The following MYO6 variants were observed in gnomAD, a reference collection of about 807,000 sequenced individuals.
MYO6 encodes unconventional myosin-VI.
Under a neutral mutation model 178.7 loss-of-function variants are expected in MYO6, and 74 were observed. That is an observed-to-expected ratio of 0.41 (90% CI 0.34 to 0.50). The LOEUF (loss-of-function observed/expected upper bound fraction) is 0.50, where lower values mean the gene tolerates loss of function less well. Among genes scored for constraint, MYO6 ranks in the 20% least tolerant of loss-of-function variants. The pLI is 0.09. For synonymous variants in MYO6, 477 were observed against 504.6 expected (o/e 0.95, Z 0.73); for missense variants, 1,330 against 1,547.4 (o/e 0.86, Z 2.36).
At chr6:75,862,039 TTCTCTTCCTA>T (rs1257119713) in intron 15 of MYO6, among the ~76,000 whole-genome samples, 1 of 152,236 alleles carries the variant, frequency 6.6e-6, no homozygotes, top group Non-Finnish European at 1.5e-5. Context: ...GTTAGAATCT[TTCTCTTCCTA>T]TGTCTTATAG....
intron 29 of MYO6, among the ~76,000 whole-genome samples, chr6:75,895,592 A>G (rs1205417224): frequency 1.3e-5 from 2 of 150,542 alleles, no homozygotes; most frequent in African/African-American, 2.5e-5. Context: ...ATCTGGGGTC[A>G]CCATAACCTC....
Position 75,861,007 on chromosome 6 carries a change from A to T in MYO6, c.1474-16A>T. The T allele has an allele frequency of 3.3e-6, 5 of 1,533,686 alleles. No homozygotes were observed. The highest frequency in any genetic ancestry group is 4.5e-6 in the Non-Finnish European group (5 of 1,107,464). On this transcript the variant is annotated splice_polypyrimidine_tract_variant and intron_variant, in intron 14 of 34. Transcript: ENST00000369977. ...CAGTATTGCTGTATCTATGATTATG[A>T]TTATTTCATTTTTAGGAACAAGAAC...
At chr6:75,856,978 C>A in intron 12 of MYO6, 119 bp from the exon 13 acceptor site, 1 of 915,352 alleles carries the variant, frequency 1.1e-6, no homozygotes, top group Non-Finnish European at 1.7e-6. Flanking sequence ...CCTATTCTCA[C>A]ATGACCTTTG....
intron 1 of MYO6, among the ~76,000 whole-genome samples, chr6:75,778,439 CA>C (rs397886444): frequency 1.3e-5 from 2 of 151,280 alleles, no homozygotes; most frequent in African/African-American, 4.9e-5. Context: ...CTAAAAAATA[CA>C]AAAAAAATTA....
At chr6:75,876,791 A>G (rs1050337968) in intron 20 of MYO6, among the ~76,000 whole-genome samples, 1 of 152,180 alleles carries the variant, frequency 6.6e-6, no homozygotes, top group African/African-American at 2.4e-5. Flanking sequence ...AATAATGATA[A>G]TGATATAGAA....
In MYO6 at chr6:75,854,275, C is replaced by CTTTTTTTTTTTTTTTTTTTTTTTT. The variant is rs61398235; in HGVS notation, c.1079-855_1079-832dup. ...CATGGGTCAAGACCTAACTGCATTGCTTTTTTTTTTTTTTTTTTTTTTTTT... is the reference window on the plus strand; with the variant it reads ...CATGGGTCAAGACCTAACTGCATTGCTTTTTTTTTTTTTTTTTTTTTTTTTTTTTTTTTTTTTTTTTTTTTTTTT... On this transcript the variant is annotated intron_variant, in intron 11 of 34. Coordinates refer to ENST00000369977, the MANE Select transcript of MYO6 (RefSeq NM_004999.4). Among the ~76,000 whole-genome samples the CTTTTTTTTTTTTTTTTTTTTTTTT allele has an allele frequency of 8.8e-5, 4 of 45,470 alleles. 1 individual carries two copies. Among genetic ancestry groups the CTTTTTTTTTTTTTTTTTTTTTTTT allele is most frequent in the African/African-American group, 1.1e-4 (1 of 9,086 alleles). 29.8% of individuals were successfully genotyped at this position (45,470 alleles called of 152,430 possible). A position where few individuals can be genotyped will look rare whatever the true frequency, so the allele number is the denominator to read the frequency against.
chr6:75,802,437 C>G (rs1360944748), intron 1 of MYO6, among the ~76,000 whole-genome samples: 1 of 149,994 alleles, frequency 6.7e-6, no homozygotes, highest in Non-Finnish European at 1.5e-5. Flanking sequence ...CCACTGGACT[C>G]TAGTCTGGGT....
At chr6:75,788,447 C>T (rs935168556) in intron 1 of MYO6, among the ~76,000 whole-genome samples, 2 of 152,198 alleles carry the variant, frequency 1.3e-5, no homozygotes, top group African/African-American at 4.8e-5. Context: ...TCTCCTCCCA[C>T]CAGTCTTTCT....
intron 8 of MYO6, 100 bp from the exon 9 acceptor site, chr6:75,841,114 A>G (rs1774176570): frequency 1.7e-6 from 2 of 1,146,698 alleles, no homozygotes; most frequent in Admixed American, 2.0e-5. Context: ...CCTCTTTGAT[A>G]GACAAATGGT....
At chr6:75,841,500 G>A in intron 9 of MYO6, 122 bp downstream of exon 9, 2 of 892,954 alleles carry the variant, frequency 2.2e-6, no homozygotes, top group Non-Finnish European at 3.4e-6. Flanking sequence ...AGCAGCCTGG[G>A]CAATGTAGCG....
chr6:75,808,667 A>G (rs1770354785), intron 1 of MYO6, among the ~76,000 whole-genome samples: 1 of 152,200 alleles, frequency 6.6e-6, no homozygotes, highest in Non-Finnish European at 1.5e-5. Flanking sequence ...ACAGGTCTCA[A>G]CCAATTTAGA....
At chr6:75,779,809 T>TTCGTTTA (rs1181962665) in intron 1 of MYO6, among the ~76,000 whole-genome samples, 5 of 152,382 alleles carry the variant, frequency 3.3e-5, no homozygotes, top group African/African-American at 1.2e-4. Context: ...CAGTGCTAAA[T>TTCGTTTA]GACTTACCTT....
intron 20 of MYO6, among the ~76,000 whole-genome samples, chr6:75,875,296 G>T (rs1777488142): frequency 6.6e-6 from 1 of 151,858 alleles, no homozygotes; most frequent in Admixed American, 6.6e-5. Context: ...GGTTGGGAGG[G>T]GCAGGGTTTA....
At chr6:75,908,723 T>G in intron 32 of MYO6, 96 bp downstream of exon 32, 1 of 1,347,888 alleles carries the variant, frequency 7.4e-7, no homozygotes, top group Non-Finnish European at 1.1e-6. Flanking sequence ...CCATATAAAT[T>G]TTCTCCTATT....
chr6:75,915,015 G>GT lies in MYO6; in HGVS notation c.*5dup. On this transcript the variant is annotated 3_prime_UTR_variant, in exon 35 of 35. Coordinates refer to ENST00000369977, the MANE Select transcript of MYO6 (RefSeq NM_004999.4). The stretch of plus-strand genomic sequence containing the variant: ...TGCTGCAGAGTCTGTTAAAGTAGAT[G>GT]TTGCACACCAGCCTTACAGCTGGGA... 6.2e-7 allele frequency: 1 copy of GT among 1,610,996 alleles called. No individual in the cohort carries two copies. Among genetic ancestry groups the GT allele is most frequent in the Non-Finnish European group, 8.5e-7 (1 of 1,179,044 alleles).
At chr6:75,885,972 T>A (rs1778404878) in intron 23 of MYO6, 32 bp from the exon 24 acceptor site, 1 of 1,310,084 alleles carries the variant, frequency 7.6e-7, no homozygotes, top group Non-Finnish European at 1.1e-6. Context: ...ACTGAATAAT[T>A]TTCTATCATT....
In MYO6 at chr6:75,866,696, C is replaced by A. The variant is rs1440226596; in HGVS notation, c.1770+75C>A. On this transcript the variant is annotated intron_variant, in intron 17 of 34. Coordinates refer to ENST00000369977, the MANE Select transcript of MYO6 (RefSeq NM_004999.4). ...TGTACAGTATGATAGCTTCTAGTCA[C>A]GTGGTTATTAATTATTTCACGTGGT... is the stretch of plus-strand genomic sequence containing the variant. 1.0e-5 allele frequency: 13 copies of A among 1,301,368 alleles called. No homozygotes were observed. In the Admixed American group the frequency reaches 2.2e-4, roughly 22 times the overall value. The allele number at this position is 1,301,368 out of a possible 1,614,324, so 80.6% of individuals were successfully genotyped here.
At chr6:75,908,691 C>G in intron 32 of MYO6, 64 bp downstream of exon 32, 1 of 1,537,454 alleles carries the variant, frequency 6.5e-7, no homozygotes, top group Non-Finnish European at 9.0e-7. Context: ...TGTATCTGTA[C>G]TTAAGACATG....
intron 1 of MYO6, among the ~76,000 whole-genome samples, chr6:75,757,268 T>C (rs1777518386): frequency 6.7e-6 from 1 of 148,500 alleles, no homozygotes; most frequent in Non-Finnish European, 1.5e-5. Context: ...TATATATGTA[T>C]ATAGACATAT....
Sources: allele counts gnomAD v4.1 joint callset (sites outside exome capture counted in the v4.1 genomes callset), GRCh38; gene constraint gnomAD v4.1.1; transcripts MANE v1.5; gene names NCBI Gene and HGNC (gene_info 2026-07-23, HGNC 2026-07-21).